IQCN: variants seen among roughly 807,000 people sequenced by gnomAD.
The protein encoded by IQCN is IQ domain-containing protein N.
IQCN carries 46 observed loss-of-function variants against 64.4 expected under a neutral mutation model. That is an observed-to-expected ratio of 0.71 (90% CI 0.56 to 0.91). The LOEUF is 0.91. IQCN is among the 40% of genes least tolerant of loss of function. IQCN has a pLI of 0.00. For synonymous variants in IQCN, 733 were observed against 775.6 expected (o/e 0.95, Z 0.91); for missense variants, 1,753 against 1,857.4 (o/e 0.94, Z 1.03).
At position 18,257,710 on chromosome 19, in the gene IQCN, C is replaced by T; in HGVS notation, c.3574G>A (p.Val1192Met). 6.2e-7 allele frequency: 1 copy of T among 1,606,696 alleles called. No individual in the cohort carries two copies. Among genetic ancestry groups the T allele is most frequent in the Non-Finnish European group, 8.5e-7 (1 of 1,176,022 alleles). ...HWQMLHPVTW[V>M]ELGSRAGVMS... is the part of the protein sequence containing the mutation. ...ACCCCGGCCCGGCTGCCCAGCTCCA[C>T]CCACGTGACGGGGTGGAGCATCTGC... The change falls in exon 4 of 4, where the codon GTG (valine) becomes ATG (methionine). Residue 1192 changes from valine to methionine, a missense_variant. Transcript: ENST00000392413.
At chr19:18,273,495 C>G (rs529494349) in intron 1 of IQCN, among the ~76,000 whole-genome samples, 8 of 152,292 alleles carry the variant, frequency 5.3e-5, no homozygotes, top group Admixed American at 2.0e-4. Context: ...CGCCACCACA[C>G]CTAATTTCGT....
Position 18,257,285 on chromosome 19 carries a change from G to A in IQCN, c.3999C>T (p.Thr1333=), listed in dbSNP as rs1969315017. The A allele has an allele frequency of 5.6e-6, 9 of 1,613,698 alleles. No homozygotes were observed. Among genetic ancestry groups the A allele is most frequent in the Non-Finnish European group, 7.6e-6 (9 of 1,180,030 alleles). The change falls in exon 4 of 4, where the codon ACC becomes ACT. Residue 1333 remains threonine, a synonymous_variant. Transcript: ENST00000392413. The part of the protein sequence containing the change: ...QQMAAKIVQA[T]WRGHHTRSCL... Reference sequence around the variant, plus strand: ...AGCTCCGGGTATGGTGGCCTCGCCAGGTGGCTTGAACTATCTTCGCTGCCA... The same window carrying A: ...AGCTCCGGGTATGGTGGCCTCGCCAAGTGGCTTGAACTATCTTCGCTGCCA...
At chr19:18,268,013 G>C (rs1172907617) in intron 2 of IQCN, 1 of 152,120 alleles carries the variant, frequency 6.6e-6, no homozygotes, top group East Asian at 1.9e-4. Flanking sequence ...GGCCAGGCTG[G>C]TCTCGAACTC....
chr19:18,265,830 T>G lies in IQCN; in HGVS notation c.1710A>C (p.Ser570=). ...VKQAAKVVKA[S]SPSYLAEGKI... is the part of the protein sequence containing the mutation. ...TCCCCTCAGCCAAATAGGAGGGGGATGAGGCTTTCACCACCTTTGCAGCCT... is the reference window on the plus strand; with the variant it reads ...TCCCCTCAGCCAAATAGGAGGGGGAGGAGGCTTTCACCACCTTTGCAGCCT... Residue 570 remains serine, a synonymous_variant, in exon 3 of 4, where the codon TCA becomes TCC. Transcript: ENST00000392413. This position sits in a 1 kb window ranked among gnomAD's most constrained non-coding sequence, Gnocchi z 4.7. The G allele has an allele frequency of 6.2e-7, 1 of 1,614,110 alleles. No homozygotes were observed. Among genetic ancestry groups the G allele is most frequent in the South Asian group, 1.1e-5 (1 of 91,070 alleles).
In IQCN at chr19:18,265,075, C is replaced by T; in HGVS notation, c.2465G>A (p.Cys822Tyr). Residue 822 changes from cysteine to tyrosine, a missense_variant, in exon 3 of 4, where the codon TGC (cysteine) becomes TAC (tyrosine). By Grantham distance (194) the Cys-to-Tyr change is radical. Transcript: ENST00000392413. The surrounding 1 kb of genome is among the most constrained non-coding windows in gnomAD (Gnocchi z 4.7). ...VPGKTTQGGP[C>Y]PAACEVQGML... ...ACCCTGGACCTCACAGGCTGCCGGGCATGGTCCCCCCTGAGTGGTCTTCCC... is the reference window on the plus strand; with the variant it reads ...ACCCTGGACCTCACAGGCTGCCGGGTATGGTCCCCCCTGAGTGGTCTTCCC... The T allele has an allele frequency of 6.2e-7, 1 of 1,601,456 alleles. No individual in the cohort carries two copies. The highest frequency in any genetic ancestry group is 1.1e-5 in the South Asian group (1 of 91,066).
At chr19:18,273,444 C>A (rs1345945243) in intron 1 of IQCN, among the ~76,000 whole-genome samples, 1 of 152,224 alleles carries the variant, frequency 6.6e-6, no homozygotes, top group Non-Finnish European at 1.5e-5. Context: ...TCAAGCGATT[C>A]TCCTGCCTCA....
chr19:18,268,234 G>A (rs564465434), intron 2 of IQCN, among the ~76,000 whole-genome samples: 3 of 151,490 alleles, frequency 2.0e-5, no homozygotes, highest in African/African-American at 2.4e-5. Flanking sequence ...AAGAGAGAGA[G>A]AGAAGTGTGG....
rs538871789 is a variant in IQCN at position 18,269,087 on chromosome 19, G to A, written c.13+379C>T. On this transcript the variant is annotated intron_variant, in intron 2 of 3. Transcript: ENST00000392413. Reference sequence around the variant, plus strand: ...GGAGGTTGCAGTGAGCCAAGATCACGCCATCACACTCCAGCCTGGGCAACA... The same window carrying A: ...GGAGGTTGCAGTGAGCCAAGATCACACCATCACACTCCAGCCTGGGCAACA... 7.2e-5 allele frequency among the ~76,000 whole-genome samples: 11 copies of A among 151,910 alleles called. 1 individual carries two copies. The highest frequency in any genetic ancestry group is 3.4e-3 in the Middle Eastern group (1 of 294).
intron 2 of IQCN, among the ~76,000 whole-genome samples, chr19:18,269,000 T>G: frequency 7.0e-6 from 1 of 143,278 alleles, no homozygotes. Flanking sequence ...TATGGTGGCA[T>G]GAGCCTGTAG....
intron 3 of IQCN, chr19:18,258,466 T>G: frequency 1.9e-6 from 1 of 512,946 alleles, no homozygotes. Flanking sequence ...TGCACGGATC[T>G]GTAGGAATTT....
intron 2 of IQCN, among the ~76,000 whole-genome samples, chr19:18,269,183 C>G (rs972653401): frequency 3.1e-4 from 41 of 130,806 alleles, no homozygotes; most frequent in African/African-American, 1.1e-3. Flanking sequence ...TTAAAGAGAG[C>G]TGGAAAGACT....
intron 2 of IQCN, among the ~76,000 whole-genome samples, chr19:18,268,760 G>C (rs1969664868): frequency 2.6e-5 from 4 of 151,882 alleles, no homozygotes; most frequent in Admixed American, 2.6e-4. Context: ...TCAGGAGTTT[G>C]AGACCAGCCT....
At position 18,265,841 on chromosome 19, in the gene IQCN, C is replaced by T. The variant is rs1969559362; in HGVS notation, c.1699G>A (p.Val567Met). 5.0e-6 allele frequency: 8 copies of T among 1,614,182 alleles called. No homozygotes were observed. Among genetic ancestry groups the T allele is most frequent in the Non-Finnish European group, 6.8e-6 (8 of 1,180,034 alleles). ...TVNVKQAAKV[V>M]KASSPSYLAE... ...AAATAGGAGGGGGATGAGGCTTTCA[C>T]CACCTTTGCAGCCTGCTTCACATTC... Residue 567 changes from valine (V) to methionine (M), a missense_variant, in exon 3 of 4, where the codon GTG (valine) becomes ATG (methionine). Transcript: ENST00000392413. This position sits in a 1 kb window ranked among gnomAD's most constrained non-coding sequence, Gnocchi z 4.7.
At position 18,257,228 on chromosome 19, in the gene IQCN, T is replaced by C. The variant is rs1969313244; in HGVS notation, c.4056A>G (p.Pro1352=). 1 of 1,613,690 alleles carries C rather than the reference T, an allele frequency of 6.2e-7. No homozygotes were observed. The highest frequency in any genetic ancestry group is 8.5e-7 in the Non-Finnish European group (1 of 1,180,032). Residue 1352 remains proline (P), a synonymous_variant, in exon 4 of 4, where the codon CCA becomes CCG. Coordinates refer to ENST00000392413, the MANE Select transcript of IQCN (RefSeq NM_001145304.2). ...CLKNTEALLG[P]ADPSASSRHM... ...GCCGTGAGCTGGCCGAGGGGTCTGCTGGTCCCAAGAGCGCCTCTGTGTTCT... is the reference window on the plus strand; with the variant it reads ...GCCGTGAGCTGGCCGAGGGGTCTGCCGGTCCCAAGAGCGCCTCTGTGTTCT...
intron 2 of IQCN, among the ~76,000 whole-genome samples, chr19:18,268,174 C>CTGTGTGTGTGTGTGTG (rs71336668): frequency 2.2e-4 from 29 of 134,496 alleles, no homozygotes; most frequent in African/African-American, 2.8e-4. Flanking sequence ...CTGTTTGCCT[C>CTGTGTGTGTGTGTGTG]TGTGTGTGTG....
intron 1 of IQCN, among the ~76,000 whole-genome samples, chr19:18,271,056 C>G (rs888922754): frequency 6.6e-6 from 1 of 150,530 alleles, no homozygotes. Context: ...CCTGTAATCC[C>G]AGCTACTTCA....
chr19:18,268,959 C>A, intron 2 of IQCN, among the ~76,000 whole-genome samples: 1 of 96,868 alleles, frequency 1.0e-5, no homozygotes, highest in African/African-American at 4.8e-5. Context: ...AAGACTCTGT[C>A]TCAAAAAAAA....
In IQCN at chr19:18,257,917, C is replaced by T. The variant is rs753958999; in HGVS notation, c.3367G>A (p.Gly1123Ser). Residue 1123 changes from glycine (G) to serine (S), a missense_variant, in exon 4 of 4, where the codon GGC becomes AGC. Physicochemically the swap from Gly to Ser is moderately conservative, Grantham distance 56 (BLOSUM62 0). Coordinates refer to ENST00000392413, the MANE Select transcript of IQCN (RefSeq NM_001145304.2). Reference protein sequence around the residue: ...RILAVITIQAGVRGYLARRRI... With the variant: ...RILAVITIQASVRGYLARRRI... ...CGACGCGCCAGGTAGCCACGGACGC[C>T]CGCCTGGATAGTGATCACTGCGAGG... 1 of 1,612,858 alleles carries T rather than the reference C, an allele frequency of 6.2e-7. No individual in the cohort carries two copies. The highest frequency in any genetic ancestry group is 1.7e-5 in the Admixed American group (1 of 60,032).
chr19:18,264,724 T>C lies in IQCN; in HGVS notation c.2816A>G (p.Lys939Arg). 1.3e-6 allele frequency: 2 copies of C among 1,551,082 alleles called. No individual in the cohort carries two copies. The highest frequency in any genetic ancestry group is 1.7e-6 in the Non-Finnish European group (2 of 1,146,952). The change falls in exon 3 of 4, where the codon AAG becomes AGG. Residue 939 changes from lysine to arginine, a missense_variant. Coordinates refer to ENST00000392413, the MANE Select transcript of IQCN (RefSeq NM_001145304.2). The surrounding 1 kb of genome is among the most constrained non-coding windows in gnomAD (Gnocchi z 4.3). ...GCGCAGCTCACTCCAGGACAGCGCC[T>C]TCACCAGCGCCATGCTCAGCATGCT... ...PQSMLSMALVKALSWSELRLT... is the reference protein window; with the variant it reads ...PQSMLSMALVRALSWSELRLT...
Sources: allele counts gnomAD v4.1 joint callset (sites outside exome capture counted in the v4.1 genomes callset), GRCh38; gene constraint gnomAD v4.1.1; non-coding constraint Gnocchi (gnomAD v3.1); transcripts MANE v1.5; gene names NCBI Gene and HGNC (gene_info 2026-07-23, HGNC 2026-07-21).